The following FRMD4A variants were observed in gnomAD, a reference collection of about 807,000 sequenced individuals.
FRMD4A encodes the protein FERM domain-containing protein 4A.
In FRMD4A, 29 loss-of-function variants were observed where a neutral mutation model predicts 129.1. The ratio of observed to expected loss-of-function variants is 0.22; its 90% confidence interval spans 0.17 to 0.31. FRMD4A has a LOEUF of 0.31. Among genes scored for constraint, FRMD4A ranks in the 10% least tolerant of loss-of-function variants. The probability of loss-of-function intolerance (pLI) is 1.00; values close to 1 mark genes in which losing one functional copy is unlikely to be tolerated. For synonymous variants in FRMD4A, 634 were observed against 571.6 expected (o/e 1.11, Z -1.56); for missense variants, 1,272 against 1,375.8 (o/e 0.92, Z 1.19).
At chr10:14,160,205 T>G (rs773505328) in intron 2 of FRMD4A, among the ~76,000 whole-genome samples, 2 of 152,104 alleles carry the variant, frequency 1.3e-5, no homozygotes, top group Non-Finnish European at 2.9e-5. Context: ...GCCAAGAACA[T>G]ACATTGAGGA....
At chr10:14,108,177 T>A (rs74954279) in intron 2 of FRMD4A, among the ~76,000 whole-genome samples, 2,686 of 152,320 alleles carry the variant, frequency 0.018, 108 homozygotes, top group African/African-American at 0.061. Context: ...TCGCTTTAAT[T>A]GGCATTTCTC....
intron 3 of FRMD4A, among the ~76,000 whole-genome samples, chr10:13,824,321 C>CA (rs397721588): frequency 0.51 from 50,611 of 98,766 alleles, 12,598 homozygotes; most frequent in Non-Finnish European, 0.58. Context: ...ACTAAAAATA[C>CA]AAAAAAAAAA....
intron 2 of FRMD4A, among the ~76,000 whole-genome samples, chr10:13,951,272 T>C (rs927277287): frequency 6.6e-6 from 1 of 151,996 alleles, no homozygotes; most frequent in Non-Finnish European, 1.5e-5. Flanking sequence ...TTGGTGAGGA[T>C]GCGGGGCGCC....
intron 2 of FRMD4A, among the ~76,000 whole-genome samples, chr10:13,983,639 T>C (rs1308217111): frequency 6.6e-6 from 1 of 152,044 alleles, no homozygotes; most frequent in Non-Finnish European, 1.5e-5. Context: ...AAAGTGGTGA[T>C]TTAGAATTCA....
intron 15 of FRMD4A, among the ~76,000 whole-genome samples, chr10:13,678,698 C>T (rs984977454): frequency 1.3e-5 from 2 of 152,188 alleles, no homozygotes; most frequent in Admixed American, 6.5e-5. Flanking sequence ...CAAAGAGCTT[C>T]GTACCCAATT....
intron 5 of FRMD4A, among the ~76,000 whole-genome samples, chr10:13,784,747 G>C (rs1165728139): frequency 6.6e-6 from 1 of 152,154 alleles, no homozygotes; most frequent in Admixed American, 6.5e-5. Context: ...CCAGCACTTT[G>C]GGAGGCTGAG....
At chr10:13,695,039 T>C (rs2086082022) in intron 14 of FRMD4A, among the ~76,000 whole-genome samples, 1 of 152,170 alleles carries the variant, frequency 6.6e-6, no homozygotes, top group Non-Finnish European at 1.5e-5. Flanking sequence ...CTCCCTTTAA[T>C]CCACGTTGAC....
At chr10:13,684,558 A>ACAGCCTCTTT (rs1175452576) in intron 15 of FRMD4A, 2 of 985,462 alleles carry the variant, frequency 2.0e-6, no homozygotes, top group Non-Finnish European at 2.4e-6. Flanking sequence ...ACATGGAAGG[A>ACAGCCTCTTT]CAGCCTCTTT....
chr10:13,977,591 C>A (rs1353418494), intron 2 of FRMD4A, among the ~76,000 whole-genome samples: 1 of 152,176 alleles, frequency 6.6e-6, no homozygotes, highest in Non-Finnish European at 1.5e-5. Context: ...CAACCATTGC[C>A]ACAATCTAAT....
chr10:13,660,116 TTC>T (rs772098499), intron 20 of FRMD4A, among the ~76,000 whole-genome samples, 198 bp downstream of exon 20: 9 of 152,336 alleles, frequency 5.9e-5, no homozygotes, highest in East Asian at 1.9e-4. Context: ...AAGCCCCAAT[TTC>T]TCTGAGTCAC....
chr10:13,741,685 T>G (rs6602681), intron 9 of FRMD4A, among the ~76,000 whole-genome samples: 88,230 of 151,936 alleles, frequency 0.58, 26,122 homozygotes, highest in East Asian at 0.86. Context: ...CTACCTGCTC[T>G]GAATGCGTAG....
At chr10:13,731,430 C>A (rs1028722810) in intron 12 of FRMD4A, among the ~76,000 whole-genome samples, 43 of 152,122 alleles carry the variant, frequency 2.8e-4, no homozygotes, top group Non-Finnish European at 5.3e-4. Context: ...GGGGGGATCC[C>A]CTGAGGTGAG....
At chr10:13,676,446 T>G (rs75209958) in intron 15 of FRMD4A, among the ~76,000 whole-genome samples, 1 of 133,108 alleles carries the variant, frequency 7.5e-6, no homozygotes, top group Non-Finnish European at 1.6e-5. Flanking sequence ...TTTTTTTTTT[T>G]GTATTTTTAG....
chr10:13,858,984 TGCACTCTGCCAGGCATATTCCTCTGGGCA>T, intron 2 of FRMD4A, 72 bp from the exon 3 acceptor site: 1 of 900,552 alleles, frequency 1.1e-6, no homozygotes, highest in Non-Finnish European at 1.9e-6. Context: ...TCGCCGACGC[TGCACTCTGCCAGGCATATTCCTCTGGGCA>T]AAACTTCCTC....
intron 2 of FRMD4A, among the ~76,000 whole-genome samples, chr10:14,075,618 G>A (rs1564265719): frequency 1.3e-5 from 2 of 152,184 alleles, no homozygotes; most frequent in East Asian, 3.8e-4. Flanking sequence ...CACTGGCTGT[G>A]CATGATGCAA....
rs762477064 is a variant in FRMD4A at position 13,656,625 on chromosome 10, C to T, written c.2953+11G>A. 2 of 1,393,930 alleles carry T rather than the reference C, an allele frequency of 1.4e-6. No individual in the cohort carries two copies. Among genetic ancestry groups the T allele is most frequent in the South Asian group, 1.8e-5 (1 of 55,602 alleles). 86.3% of individuals were successfully genotyped at this position (1,393,930 alleles called of 1,614,324 possible). ...AGGTCTTCCCGCGTGCACCTGGCCG[C>T]CCCCTCTCACCTGACGTGGCCTTGC... On this transcript the variant is annotated intron_variant, in intron 22 of 24. Transcript: ENST00000357447.
chr10:13,740,655 C>T (rs1022356266), intron 9 of FRMD4A, 78 bp from the exon 10 acceptor site: 11 of 761,470 alleles, frequency 1.4e-5, no homozygotes, highest in African/African-American at 1.4e-4. Context: ...AGATATTTCT[C>T]AGCCCCATCT....
chr10:13,903,611 C>A (rs903463535), intron 2 of FRMD4A, among the ~76,000 whole-genome samples: 2 of 151,786 alleles, frequency 1.3e-5, no homozygotes, highest in Admixed American at 6.6e-5. Flanking sequence ...GTGATGCACG[C>A]CTGTAGTCCC....
intron 2 of FRMD4A, among the ~76,000 whole-genome samples, chr10:14,202,530 T>C (rs1842668868): frequency 6.6e-6 from 1 of 152,060 alleles, no homozygotes; most frequent in Non-Finnish European, 1.5e-5. Flanking sequence ...ACCTCCCAAG[T>C]ACGGGGATTA....
Sources: allele counts gnomAD v4.1 joint callset (sites outside exome capture counted in the v4.1 genomes callset), GRCh38; gene constraint gnomAD v4.1.1; transcripts MANE v1.5; gene names NCBI Gene and HGNC (gene_info 2026-07-23, HGNC 2026-07-21).